Variants in SRL observed in about 807,000 individuals in gnomAD.
SRL encodes the protein sarcalumenin.
SRL carries 23 observed loss-of-function variants against 39.5 expected under a neutral mutation model. The ratio of observed to expected loss-of-function variants is 0.58; its 90% confidence interval spans 0.42 to 0.82. The LOEUF is 0.82. Ranked by LOEUF, SRL falls within the 40% of genes least tolerant of loss-of-function variation. The pLI, the probability that SRL is intolerant of heterozygous loss-of-function variation, is 0.00. For synonymous variants in SRL, 272 were observed against 237.4 expected, an observed-to-expected ratio of 1.15 and a Z score of -1.34; for missense variants, 592 against 607.8, an observed-to-expected ratio of 0.97 and a Z score of 0.27.
At chr16:4,228,166 C>T (rs2052612815) in intron 1 of SRL, among the ~76,000 whole-genome samples, 1 of 152,238 alleles carries the variant, frequency 6.6e-6, no homozygotes, top group South Asian at 2.1e-4. Context: ...AGGCCGGGAG[C>T]AGTGGCTCAC....
chr16:4,197,421 C>CTTT (rs71139621), intron 4 of SRL, among the ~76,000 whole-genome samples: 2,552 of 107,516 alleles, frequency 0.024, 218 homozygotes, highest in African/African-American at 0.056. Flanking sequence ...CTTTTCTTTC[C>CTTT]TTTTTTTTTT....
chr16:4,239,022 G>A (rs1332681035), intron 1 of SRL, among the ~76,000 whole-genome samples: 2 of 152,124 alleles, frequency 1.3e-5, no homozygotes, highest in Admixed American at 6.6e-5. Context: ...TTGCCCGGCT[G>A]CACCAAATGA....
intron 2 of SRL, among the ~76,000 whole-genome samples, chr16:4,203,853 G>A (rs536792578): frequency 6.6e-6 from 1 of 152,364 alleles, no homozygotes; most frequent in South Asian, 2.1e-4. Context: ...AAGGCAAAGA[G>A]GCCCAGCACC....
chr16:4,202,663 A>AT (rs35729403), intron 3 of SRL, among the ~76,000 whole-genome samples: 34,512 of 151,636 alleles, frequency 0.23, 4,834 homozygotes, highest in African/African-American at 0.38. Flanking sequence ...CACTATTTGA[A>AT]TTTTTGCAAC....
At chr16:4,235,659 C>T (rs915838195) in intron 1 of SRL, among the ~76,000 whole-genome samples, 2 of 152,106 alleles carry the variant, frequency 1.3e-5, no homozygotes, top group African/African-American at 2.4e-5. Flanking sequence ...TATGATTGCA[C>T]CACTGCACTC....
At chr16:4,206,589 C>T (rs1469755441) in intron 1 of SRL, 3 of 418,156 alleles carry the variant, frequency 7.2e-6, no homozygotes, top group Non-Finnish European at 1.5e-5. Flanking sequence ...CCTGAAGCCA[C>T]CTCCCCGGGC....
chr16:4,190,673 A>G lies in SRL; in HGVS notation c.*1480T>C. On this transcript the variant is annotated 3_prime_UTR_variant, in exon 6 of 6. Transcript: ENST00000399609. ...TACACACATATTCACACTTATTGGT[A>G]TTGAAGGCCCTGGCTTTCCTGCGGT... 1 of 392,922 alleles carries G rather than the reference A, an allele frequency of 2.5e-6. No individual in the cohort carries two copies. 24.3% of individuals were successfully genotyped at this position (392,922 alleles called of 1,614,324 possible). A position where few individuals can be genotyped will look rare whatever the true frequency, so the allele number is the denominator to read the frequency against.
intron 1 of SRL, among the ~76,000 whole-genome samples, chr16:4,215,248 A>G (rs762525867): frequency 9.2e-5 from 14 of 152,322 alleles, no homozygotes; most frequent in East Asian, 1.9e-4. Context: ...ACCAGAGTGC[A>G]GGGGCTGAGG....
At chr16:4,202,813 G>C (rs2052254823) in intron 3 of SRL, among the ~76,000 whole-genome samples, 1 of 152,134 alleles carries the variant, frequency 6.6e-6, no homozygotes, top group Non-Finnish European at 1.5e-5. Flanking sequence ...GAGTAGACAG[G>C]GGGCACCTGT....
chr16:4,233,476 G>T (rs571901624), intron 1 of SRL, among the ~76,000 whole-genome samples: 2 of 152,248 alleles, frequency 1.3e-5, no homozygotes, highest in African/African-American at 2.4e-5. Context: ...CTCCCTGCAC[G>T]TTGGGCTGAA....
intron 1 of SRL, 137 bp from the exon 2 acceptor site, chr16:4,204,771 T>C (rs78313616): frequency 3.0e-6 from 2 of 676,650 alleles, no homozygotes; most frequent in African/African-American, 1.8e-5. Context: ...GACTGAGCTC[T>C]GCCTTTAGGA....
chr16:4,223,318 T>C (rs2052551591), intron 1 of SRL, among the ~76,000 whole-genome samples: 1 of 150,928 alleles, frequency 6.6e-6, no homozygotes, highest in Admixed American at 6.6e-5. Flanking sequence ...AAAAGTACCA[T>C]TCCTAGGCCT....
At chr16:4,205,780 TC>T in intron 1 of SRL, among the ~76,000 whole-genome samples, 1 of 151,968 alleles carries the variant, frequency 6.6e-6, no homozygotes, top group South Asian at 2.1e-4. Flanking sequence ...AGTGAGGGGC[TC>T]TAGGCAGGCA....
At chr16:4,204,497 C>A (rs375140513) in intron 2 of SRL, 36 bp downstream of exon 2, 1 of 1,538,022 alleles carries the variant, frequency 6.5e-7, no homozygotes, top group South Asian at 1.1e-5. Context: ...TGGCCGGGCT[C>A]TCCCAGCCCT....
chr16:4,228,119 TC>T (rs1342069271), intron 1 of SRL, among the ~76,000 whole-genome samples: 1 of 152,170 alleles, frequency 6.6e-6, no homozygotes, highest in East Asian at 1.9e-4. Context: ...GGACCGGGCC[TC>T]CCTGACCATT....
chr16:4,211,905 G>T (rs530426959), intron 1 of SRL, among the ~76,000 whole-genome samples: 1 of 152,178 alleles, frequency 6.6e-6, no homozygotes, highest in African/African-American at 2.4e-5. Context: ...ATGATGATGA[G>T]AATGATAGTG....
intron 1 of SRL, among the ~76,000 whole-genome samples, chr16:4,211,117 C>T (rs956498594): frequency 1.3e-5 from 2 of 151,800 alleles, no homozygotes; most frequent in East Asian, 1.9e-4. Context: ...CCTTTCTCTG[C>T]AGTTTTGATT....
chr16:4,192,127 C>T lies in SRL; in HGVS notation c.*26G>A. On this transcript the variant is annotated 3_prime_UTR_variant, in exon 6 of 6. Coordinates refer to ENST00000399609, the MANE Select transcript of SRL (RefSeq NM_001098814.2). The surrounding 1 kb of genome is among the most constrained non-coding windows in gnomAD (Gnocchi z 4.0). Reference sequence around the variant, plus strand: ...GTTAGGACACAAGCTGATTCACCAACAGGAACCCAAGGACCGCTCCACCAC... The same window carrying T: ...GTTAGGACACAAGCTGATTCACCAATAGGAACCCAAGGACCGCTCCACCAC... 6.5e-7 allele frequency: 1 copy of T among 1,527,768 alleles called. No individual in the cohort carries two copies. The highest frequency in any genetic ancestry group is 1.3e-5 in the South Asian group (1 of 75,258). 94.6% of individuals were successfully genotyped at this position (1,527,768 alleles called of 1,614,324 possible).
intron 3 of SRL, 84 bp from the exon 4 acceptor site, chr16:4,197,999 C>A: frequency 1.1e-6 from 1 of 906,074 alleles, no homozygotes; most frequent in South Asian, 1.3e-5. Flanking sequence ...AAGCATCTCA[C>A]CGTCCATCCA....
Sources: allele counts gnomAD v4.1 joint callset (sites outside exome capture counted in the v4.1 genomes callset), GRCh38; gene constraint gnomAD v4.1.1; non-coding constraint Gnocchi (gnomAD v3.1); transcripts MANE v1.5; gene names NCBI Gene and HGNC (gene_info 2026-07-23, HGNC 2026-07-21).